The following C12orf42 variants were observed in gnomAD, a reference collection of about 807,000 sequenced individuals.
C12orf42 encodes the protein uncharacterized protein C12orf42.
In C12orf42, 25 loss-of-function variants were observed where a neutral mutation model predicts 21.6. That is an observed-to-expected ratio of 1.16 (90% CI 0.84 to 1.62). The LOEUF (loss-of-function observed/expected upper bound fraction) is 1.62, where lower values mean the gene tolerates loss of function less well. C12orf42 is among the 40% of genes most tolerant of loss of function. The probability of loss-of-function intolerance (pLI) is 0.00; values close to 1 mark genes in which losing one functional copy is unlikely to be tolerated. For synonymous variants in C12orf42, 174 were observed against 175.0 expected, an observed-to-expected ratio of 0.99 and a Z score of 0.05; for missense variants, 483 against 459.3, an observed-to-expected ratio of 1.05 and a Z score of -0.47.
At chr12:103,176,767 A>T in the C12orf42 span, among the ~76,000 whole-genome samples, 1 of 152,200 alleles carries the variant, frequency 6.6e-6, no homozygotes, top group African/African-American at 2.4e-5. Context: ...ACAAAGTCCA[A>T]TCTGGCAACC....
At position 103,302,561 on chromosome 12, in the gene C12orf42, T is replaced by C. The variant is rs538331667; in HGVS notation, c.632-2A>G. 9 of 1,601,214 alleles carry C rather than the reference T, an allele frequency of 5.6e-6. No individual in the cohort carries two copies. The highest frequency in any genetic ancestry group is 6.8e-6 in the Non-Finnish European group (8 of 1,175,046). ...CAGTGGAAGGTCTGGCGGCAGAACCTGGAAGGCAAAGCAGGAAAGCAGGAC... is the reference window on the plus strand; with the variant it reads ...CAGTGGAAGGTCTGGCGGCAGAACCCGGAAGGCAAAGCAGGAAAGCAGGAC... On this transcript the variant is annotated splice_acceptor_variant, in intron 5 of 5. Transcript: ENST00000548883. LOFTEE classifies it high-confidence loss of function.
intron 1 of C12orf42, among the ~76,000 whole-genome samples, chr12:103,490,632 A>G (rs572646631): frequency 2.0e-4 from 31 of 152,098 alleles, no homozygotes; most frequent in African/African-American, 7.5e-4. Flanking sequence ...GAACAATCCA[A>G]AAGAATAATG....
chr12:103,531,242 C>T, the C12orf42 span, among the ~76,000 whole-genome samples: 4 of 152,288 alleles, frequency 2.6e-5, no homozygotes, highest in African/African-American at 9.6e-5. Context: ...TGCCAGCTAA[C>T]TTTTAGGCTG....
chr12:103,249,673 G>T (rs570699027), intron 10 of C12orf42, among the ~76,000 whole-genome samples: 10 of 151,998 alleles, frequency 6.6e-5, no homozygotes, highest in Non-Finnish European at 1.3e-4. Flanking sequence ...GAACAAACAG[G>T]GACTACCCAG....
the C12orf42 span, among the ~76,000 whole-genome samples, chr12:103,158,872 TCAA>T: frequency 1.2e-5 from 1 of 83,728 alleles, no homozygotes; most frequent in African/African-American, 7.1e-5. Context: ...AGAGCAAGAC[TCAA>T]AAAAAAAAAA....
At chr12:103,114,143 A>C in the C12orf42 span, among the ~76,000 whole-genome samples, 1 of 152,234 alleles carries the variant, frequency 6.6e-6, no homozygotes, top group Admixed American at 6.5e-5. Flanking sequence ...CAGTAGAAAA[A>C]AAAATACATA....
intron 4 of C12orf42, among the ~76,000 whole-genome samples, chr12:103,361,903 A>T (rs2044148472): frequency 6.6e-6 from 1 of 152,050 alleles, no homozygotes; most frequent in Non-Finnish European, 1.5e-5. Context: ...CCCCAACCTG[A>T]TGGTCCTTCC....
chr12:103,067,524 A>G, the C12orf42 span, among the ~76,000 whole-genome samples: 1 of 152,152 alleles, frequency 6.6e-6, no homozygotes, highest in Non-Finnish European at 1.5e-5. Flanking sequence ...ATCAGCGTCC[A>G]ATATATGGTA....
the C12orf42 span, among the ~76,000 whole-genome samples, chr12:103,154,309 T>C: frequency 6.6e-6 from 1 of 152,218 alleles, no homozygotes; most frequent in African/African-American, 2.4e-5. Flanking sequence ...GTAATTGTGA[T>C]AAGTCTGCCT....
chr12:103,256,163 T>C (rs2034605058), intron 10 of C12orf42, among the ~76,000 whole-genome samples: 1 of 128,132 alleles, frequency 7.8e-6, no homozygotes, highest in Non-Finnish European at 1.6e-5. Flanking sequence ...TACACACATA[T>C]ATATACACAT....
the C12orf42 span, among the ~76,000 whole-genome samples, chr12:103,224,854 G>C: frequency 1.2e-4 from 19 of 152,184 alleles, no homozygotes; most frequent in Non-Finnish European, 2.9e-5. Flanking sequence ...TCTTGTGTAA[G>C]AATTCTGACC....
At chr12:103,492,893 C>T (rs540113839) in intron 1 of C12orf42, among the ~76,000 whole-genome samples, 3 of 152,328 alleles carry the variant, frequency 2.0e-5, no homozygotes, top group South Asian at 2.1e-4. Context: ...AGTGTGCTAC[C>T]GTCAGTTCCT....
At chr12:103,223,177 T>G in the C12orf42 span, among the ~76,000 whole-genome samples, 1 of 151,976 alleles carries the variant, frequency 6.6e-6, no homozygotes, top group Admixed American at 6.6e-5. Context: ...GTTGAAGTGT[T>G]GGGGTGGCGA....
intron 2 of C12orf42, among the ~76,000 whole-genome samples, chr12:103,410,642 A>G (rs1566263546): frequency 6.6e-6 from 1 of 152,226 alleles, no homozygotes; most frequent in African/African-American, 2.4e-5. Flanking sequence ...AAGAGCTGCC[A>G]GAAGAACATT....
chr12:103,308,375 G>A (rs528004022), intron 4 of C12orf42, among the ~76,000 whole-genome samples: 2 of 152,122 alleles, frequency 1.3e-5, no homozygotes, highest in Non-Finnish European at 2.9e-5. Context: ...CAAACTCTGG[G>A]TAACTTCTAT....
At position 103,263,118 on chromosome 12, in the gene C12orf42, C is replaced by T. The variant is rs118109777; in HGVS notation, c.*1366+208G>A. Among the ~76,000 whole-genome samples the T allele has an allele frequency of 5.9e-4, 89 of 151,914 alleles. No homozygotes were observed. The East Asian group carries it at 0.014, about 24-fold the overall frequency. On this transcript the variant is annotated intron_variant and NMD_transcript_variant, in intron 10 of 10. Transcript: ENST00000547347. ...ATTGAACAATGAGATCACTTGGACA[C>T]GGTGGGGGAATATCACACACCAGGG...
chr12:103,156,803 T>G, the C12orf42 span, among the ~76,000 whole-genome samples: 1 of 152,318 alleles, frequency 6.6e-6, no homozygotes, highest in Non-Finnish European at 1.5e-5. Flanking sequence ...AAGGACATGA[T>G]TTCATTCCTT....
chr12:103,484,863 G>GTTTTTTTTTTTTTTTTTT (rs56025837), intron 1 of C12orf42, among the ~76,000 whole-genome samples: 1 of 71,678 alleles, frequency 1.4e-5, no homozygotes, highest in Non-Finnish European at 2.6e-5. Context: ...TCTGGTTTCA[G>GTTTTTTTTTTTTTTTTTT]TTTTTTTTTT....
chr12:103,104,563 C>T, the C12orf42 span, among the ~76,000 whole-genome samples: 33 of 152,304 alleles, frequency 2.2e-4, no homozygotes, highest in African/African-American at 7.0e-4. Flanking sequence ...GCCTCAGCCT[C>T]CCAAGCAGCT....
Sources: gnomAD v4.1 joint callset for allele counts (sites outside exome capture counted in the v4.1 genomes callset) on GRCh38, gnomAD v4.1.1 for gene constraint, MANE v1.5 for transcripts, NCBI Gene and HGNC (gene_info 2026-07-23, HGNC 2026-07-21) for gene names.